The following ETNK2 variants were observed in gnomAD, a reference collection of about 807,000 sequenced individuals.
ETNK2 encodes the protein ethanolamine kinase 2, also known as ethanolamine kinase-like protein.
Under a neutral mutation model 46.2 loss-of-function variants are expected in ETNK2, and 33 were observed. That is an observed-to-expected ratio of 0.71 (90% CI 0.54 to 0.96). The LOEUF is 0.96. Among genes scored for constraint, ETNK2 ranks in the 40% least tolerant of loss-of-function variants. ETNK2 has a pLI of 0.00. For synonymous variants in ETNK2, 194 were observed against 209.0 expected (o/e 0.93, Z 0.62); for missense variants, 445 against 509.7 (o/e 0.87, Z 1.22).
Position 204,132,318 on chromosome 1 carries a change from G to C in ETNK2, c.1089-62C>G, listed in dbSNP as rs540565710. 1.0e-5 allele frequency: 14 copies of C among 1,358,646 alleles called. No individual in the cohort carries two copies. In the South Asian group the frequency reaches 1.6e-4, roughly 16 times the overall value. 84.2% of individuals were successfully genotyped at this position (1,358,646 alleles called of 1,614,324 possible). On this transcript the variant is annotated intron_variant, in intron 7 of 7. Transcript: ENST00000367202. ...GAAAGCCAGGTGGGCCCTGCTGGGG[G>C]TGCTGACATCATGAGAAAAGTTTTT...
intron 5 of ETNK2, among the ~76,000 whole-genome samples, chr1:204,139,788 T>C (rs1657428084): frequency 6.6e-6 from 1 of 152,210 alleles, no homozygotes; most frequent in Admixed American, 6.5e-5. Context: ...GGCTGCATGG[T>C]ATAGCCTGTT....
At chr1:204,141,252 C>G in intron 4 of ETNK2, 63 bp downstream of exon 4, 1 of 1,608,908 alleles carries the variant, frequency 6.2e-7, no homozygotes, top group South Asian at 1.1e-5. Context: ...AGAACAGCTC[C>G]GTGAAGCCAG....
chr1:204,135,008 T>C (rs10900552), intron 6 of ETNK2, among the ~76,000 whole-genome samples: 141,897 of 152,158 alleles, frequency 0.93, 66,569 homozygotes, highest in East Asian at 1. Context: ...GGCTTAATGG[T>C]CAGTGGGGGG....
intron 2 of ETNK2, among the ~76,000 whole-genome samples, chr1:204,148,705 C>T (rs957049947): frequency 3.3e-5 from 5 of 152,148 alleles, no homozygotes; most frequent in Admixed American, 6.5e-5. Context: ...TAAGTCCCTG[C>T]AGAAGGCATG....
At position 204,151,932 on chromosome 1, in the gene ETNK2, G is replaced by A; in HGVS notation, c.-80C>T. The stretch of plus-strand genomic sequence containing the variant: ...GTCCGGCGAGGGAGTGGGAGTGGTA[G>A]AGGAGGGGCCAGGGGAAGTCCATGA... On this transcript the variant is annotated 5_prime_UTR_variant, in exon 1 of 8. Coordinates refer to ENST00000367202, the MANE Select transcript of ETNK2 (RefSeq NM_018208.4). The surrounding 1 kb of genome is among the most constrained non-coding windows in gnomAD (Gnocchi z 8.0). The A allele has an allele frequency of 7.3e-7, 1 of 1,364,198 alleles. No homozygotes were observed. The highest frequency in any genetic ancestry group is 9.5e-7 in the Non-Finnish European group (1 of 1,055,080). 84.5% of individuals were successfully genotyped at this position (1,364,198 alleles called of 1,614,324 possible). A position where few individuals can be genotyped will look rare whatever the true frequency, so the allele number is the denominator to read the frequency against.
Position 204,141,345 on chromosome 1 carries a change from A to G in ETNK2, c.754T>C (p.Cys252Arg). The G allele has an allele frequency of 6.2e-7, 1 of 1,614,064 alleles. No individual in the cohort carries two copies. The highest frequency in any genetic ancestry group is 1.7e-5 in the Admixed American group (1 of 60,028). ...ATGCTGTCATAGATGATATTCTTGCAGAGCAGGTCATTGTGACAAAACACC... is the reference window on the plus strand; with the variant it reads ...ATGCTGTCATAGATGATATTCTTGCGGAGCAGGTCATTGTGACAAAACACC... ...PVVFCHNDLL[C>R]KNIIYDSIKG... The change falls in exon 4 of 8, where the codon TGC (cysteine) becomes CGC (arginine). Residue 252 changes from cysteine to arginine, a missense_variant. Physicochemically the swap from Cys to Arg is radical, Grantham distance 180. Transcript: ENST00000367202.
Position 204,137,161 on chromosome 1 carries a change from C to T in ETNK2, c.957G>A (p.Met319Ile), listed in dbSNP as rs747823343. Residue 319 changes from methionine to isoleucine, a missense_variant, in exon 6 of 8, where the codon ATG (methionine) becomes ATA (isoleucine). Physicochemically the swap from Met to Ile is conservative, Grantham distance 10. Transcript: ENST00000367202. ...LHYYLQAQKG[M>I]AVTPREVQRL... ...TTTGCACCTCCCTGGGGGTCACGGC[C>T]ATCCCCTTTTGTGCCTGCAGGTAGT... 6.2e-7 allele frequency: 1 copy of T among 1,613,994 alleles called. No homozygotes were observed. The highest frequency in any genetic ancestry group is 1.7e-5 in the Admixed American group (1 of 60,026).
intron 5 of ETNK2, 56 bp downstream of exon 5, chr1:204,139,975 GGTCA>G: frequency 7.5e-7 from 1 of 1,330,838 alleles, no homozygotes; most frequent in Non-Finnish European, 1.1e-6. Context: ...ATCTACATGC[GGTCA>G]GTCATTGACT....
At chr1:204,144,157 C>T (rs1406730073) in intron 3 of ETNK2, among the ~76,000 whole-genome samples, 1 of 151,752 alleles carries the variant, frequency 6.6e-6, no homozygotes, top group Non-Finnish European at 1.5e-5. Flanking sequence ...CCAAGCCTGG[C>T]CAACATGACA....
At chr1:204,149,671 A>C (rs906942816) in intron 2 of ETNK2, 32 bp downstream of exon 2, 1 of 1,547,962 alleles carries the variant, frequency 6.5e-7, no homozygotes, top group African/African-American at 1.4e-5. Flanking sequence ...CCTGAAGAAT[A>C]GTAGAGACAG....
chr1:204,142,509 G>A (rs1657593692), intron 3 of ETNK2: 1 of 152,248 alleles, frequency 6.6e-6, no homozygotes, highest in Admixed American at 6.5e-5. Flanking sequence ...GTCCCCAGGA[G>A]GCACACAGGT....
At chr1:204,134,661 A>G (rs1657212640) in intron 6 of ETNK2, 73 bp from the exon 7 acceptor site, 1 of 1,613,668 alleles carries the variant, frequency 6.2e-7, no homozygotes, top group African/African-American at 1.3e-5. Flanking sequence ...CACTGGAGGG[A>G]TGCAGTCATT....
Position 204,149,822 on chromosome 1 carries a change from C to A in ETNK2, c.399G>T (p.Leu133=). The change falls in exon 2 of 8, where the codon CTG becomes CTT. Residue 133 remains leucine, a synonymous_variant. Transcript: ENST00000367202. ...TGGGGGCACAGCTGTGTGCTCGCAG[C>A]AGCTGGAAGTTTCTGACCTCATTCT... is the stretch of plus-strand genomic sequence containing the variant. The part of the protein sequence containing the change: ...DRENEVRNFQ[L]LRAHSCAPKL... 6.2e-7 allele frequency: 1 copy of A among 1,607,090 alleles called. No individual in the cohort carries two copies. The highest frequency in any genetic ancestry group is 8.5e-7 in the Non-Finnish European group (1 of 1,176,964).
intron 4 of ETNK2, 186 bp downstream of exon 4, chr1:204,141,129 G>C: frequency 2.6e-6 from 2 of 780,200 alleles, no homozygotes; most frequent in South Asian, 3.0e-5. Context: ...ACTGGCCCTT[G>C]GCACAGACTT....
At chr1:204,141,133 C>G in intron 4 of ETNK2, 182 bp downstream of exon 4, 1 of 804,742 alleles carries the variant, frequency 1.2e-6, no homozygotes, top group Non-Finnish European at 2.1e-6. Context: ...GCCCTTGGCA[C>G]AGACTTTTCA....
At chr1:204,135,193 G>A (rs1372359302) in intron 6 of ETNK2, among the ~76,000 whole-genome samples, 6 of 152,296 alleles carry the variant, frequency 3.9e-5, no homozygotes, top group African/African-American at 1.4e-4. Flanking sequence ...CCCAAGTCTA[G>A]GCATTTGCTA....
chr1:204,151,147 T>C lies in ETNK2; in HGVS notation c.258+448A>G. 1 of 209,952 alleles carries C rather than the reference T, an allele frequency of 4.8e-6. No individual in the cohort carries two copies. Among genetic ancestry groups the C allele is most frequent in the Non-Finnish European group, 8.8e-6 (1 of 113,404 alleles). 13.0% of individuals were successfully genotyped at this position (209,952 alleles called of 1,614,324 possible). A position where few individuals can be genotyped will look rare whatever the true frequency, so the allele number is the denominator to read the frequency against. On this transcript the variant is annotated intron_variant, in intron 1 of 7. Transcript: ENST00000367202. The surrounding 1 kb of genome is among the most constrained non-coding windows in gnomAD (Gnocchi z 8.0). The stretch of plus-strand genomic sequence containing the variant: ...GGACCCACAGGGGCAGCTCAGAGCC[T>C]GGAGGATTTGCTCCCACCATGGGGT...
intron 3 of ETNK2, among the ~76,000 whole-genome samples, chr1:204,144,723 C>A (rs1361346847): frequency 6.6e-5 from 10 of 152,196 alleles, no homozygotes; most frequent in African/African-American, 2.2e-4. Flanking sequence ...CCCCCGCCCC[C>A]AAACCCTTCC....
chr1:204,151,434 C>T lies in ETNK2; in HGVS notation c.258+161G>A. ...GGAGGTGTGAGCCTAGTTTTGGTAG[C>T]GACGAAATCAATCCGTACACAAACC... is the stretch of plus-strand genomic sequence containing the variant. On this transcript the variant is annotated intron_variant, in intron 1 of 7. Transcript: ENST00000367202. The surrounding 1 kb of genome is among the most constrained non-coding windows in gnomAD (Gnocchi z 8.0). The T allele has an allele frequency of 9.4e-7, 1 of 1,061,798 alleles. No individual in the cohort carries two copies. Among genetic ancestry groups the T allele is most frequent in the Non-Finnish European group, 1.3e-6 (1 of 750,584 alleles). The allele number at this position is 1,061,798 out of a possible 1,614,324, so 65.8% of individuals were successfully genotyped here. A position where few individuals can be genotyped will look rare whatever the true frequency, so the allele number is the denominator to read the frequency against.
Sources: gnomAD v4.1 joint callset for allele counts (sites outside exome capture counted in the v4.1 genomes callset) on GRCh38, gnomAD v4.1.1 for gene constraint, Gnocchi (gnomAD v3.1) non-coding constraint, MANE v1.5 for transcripts, NCBI Gene and HGNC (gene_info 2026-07-23, HGNC 2026-07-21) for gene names.